The following ADGRL2 variants were observed in gnomAD, a reference collection of about 807,000 sequenced individuals.
The protein encoded by ADGRL2 is calcium-independent alpha-latrotoxin receptor 2.
A neutral mutation model predicts 157.4 loss-of-function variants in ADGRL2; 44 were observed. The ratio of observed to expected loss-of-function variants is 0.28; its 90% CI spans 0.22 to 0.36. ADGRL2 has a LOEUF of 0.36. Ranked by LOEUF, ADGRL2 falls within the 10% of genes least tolerant of loss-of-function variation. The pLI, the probability that ADGRL2 is intolerant of heterozygous loss-of-function variation, is 1.00. For missense variants in ADGRL2, 1,510 were observed against 1,768.9 expected (o/e 0.85, Z 2.63); for synonymous variants, 585 against 624.7 (o/e 0.94, Z 0.95).
chr1:81,518,186 G>C (rs1401364191), intron 2 of ADGRL2, among the ~76,000 whole-genome samples: 1 of 152,260 alleles, frequency 6.6e-6, no homozygotes, highest in Non-Finnish European at 1.5e-5. Flanking sequence ...GCAGCGTGAA[G>C]CTGCAGACAG....
At chr1:81,425,255 C>T (rs976823487) in intron 1 of ADGRL2, among the ~76,000 whole-genome samples, 4 of 152,140 alleles carry the variant, frequency 2.6e-5, no homozygotes, top group African/African-American at 9.7e-5. Flanking sequence ...AACACAATCA[C>T]GTACCCATGC....
chr1:81,878,528 G>A (rs934585554), intron 2 of ADGRL2, among the ~76,000 whole-genome samples: 1 of 151,940 alleles, frequency 6.6e-6, no homozygotes, highest in Admixed American at 6.6e-5. Flanking sequence ...TCATTTAATC[G>A]TCTTCTTCTT....
At chr1:81,459,277 C>T (rs2077872462) in intron 2 of ADGRL2, among the ~76,000 whole-genome samples, 1 of 152,108 alleles carries the variant, frequency 6.6e-6, no homozygotes, top group Non-Finnish European at 1.5e-5. Flanking sequence ...GGGACCCATC[C>T]CTGTCTGCCT....
chr1:81,520,201 T>C (rs2079279605), intron 2 of ADGRL2, among the ~76,000 whole-genome samples: 1 of 152,196 alleles, frequency 6.6e-6, no homozygotes, highest in South Asian at 2.1e-4. Flanking sequence ...TGGTATTGCC[T>C]GCTGCCTTTT....
chr1:81,637,604 C>G (rs1448714367), intron 3 of ADGRL2, among the ~76,000 whole-genome samples: 2 of 152,174 alleles, frequency 1.3e-5, no homozygotes, highest in East Asian at 3.8e-4. Context: ...AATGATTGCT[C>G]ATTTCAACTG....
intron 2 of ADGRL2, among the ~76,000 whole-genome samples, chr1:81,766,778 G>A (rs567913465): frequency 1.4e-4 from 20 of 147,760 alleles, no homozygotes; most frequent in East Asian, 2.0e-4. Flanking sequence ...TGTGGTGAGC[G>A]GAGATTGCAC....
intron 1 of ADGRL2, among the ~76,000 whole-genome samples, chr1:81,373,605 G>C (rs2076197250): frequency 6.6e-6 from 1 of 152,086 alleles, no homozygotes; most frequent in Non-Finnish European, 1.5e-5. Flanking sequence ...CCACAAAACA[G>C]CCTCACTTCT....
intron 1 of ADGRL2, among the ~76,000 whole-genome samples, chr1:81,422,888 A>G (rs906406265): frequency 1.3e-5 from 2 of 152,220 alleles, no homozygotes; most frequent in African/African-American, 2.4e-5. Flanking sequence ...AACATACACA[A>G]TGTATTTCAA....
At chr1:81,889,193 A>T (rs1022301681) in intron 2 of ADGRL2, among the ~76,000 whole-genome samples, 1 of 152,240 alleles carries the variant, frequency 6.6e-6, no homozygotes, top group Non-Finnish European at 1.5e-5. Context: ...CAAAAGATAG[A>T]AATGATTAAG....
chr1:81,514,738 A>T (rs181256228), intron 2 of ADGRL2: 1 of 152,240 alleles, frequency 6.6e-6, no homozygotes. Context: ...TGTCAAGCTT[A>T]TAAGTACCAA....
At chr1:81,640,655 A>G (rs920892929) in intron 3 of ADGRL2, among the ~76,000 whole-genome samples, 2 of 151,022 alleles carry the variant, frequency 1.3e-5, no homozygotes, top group African/African-American at 4.9e-5. Flanking sequence ...AAATAAATAA[A>G]TAAATAAATA....
chr1:81,758,374 C>T (rs2085760856), intron 1 of ADGRL2, among the ~76,000 whole-genome samples: 2 of 152,118 alleles, frequency 1.3e-5, no homozygotes, highest in Non-Finnish European at 2.9e-5. Context: ...CTCACCTCTA[C>T]TCACTCCCTG....
At chr1:81,407,852 G>C (rs2101373076) in intron 1 of ADGRL2, among the ~76,000 whole-genome samples, 1 of 152,222 alleles carries the variant, frequency 6.6e-6, no homozygotes, top group African/African-American at 2.4e-5. Flanking sequence ...GCTGTTTCAT[G>C]TTTGTGACAT....
chr1:81,831,454 C>G (rs1469149844), intron 1 of ADGRL2, among the ~76,000 whole-genome samples: 1 of 151,892 alleles, frequency 6.6e-6, no homozygotes, highest in Non-Finnish European at 1.5e-5. Context: ...TGATTTTGTT[C>G]TGTATTCATT....
Position 81,618,849 on chromosome 1 carries a change from AG to A in ADGRL2, c.-143+37871del, listed in dbSNP as rs1209926523. Among the ~76,000 whole-genome samples, 17 of 148,252 alleles carry A rather than the reference AG, an allele frequency of 1.1e-4. No homozygotes were observed. In the East Asian group the frequency reaches 2.3e-3, roughly 20 times the overall value. ...AGTATATGCATCAGTAATCTGGAGAAGGTTTTTTTTTTTCTTTTTTCACTGT... is the reference window on the plus strand; with the variant it reads ...AGTATATGCATCAGTAATCTGGAGAAGTTTTTTTTTTTCTTTTTTCACTGT... On this transcript the variant is annotated intron_variant, in intron 3 of 24. Transcript: ENST00000370721.
chr1:81,742,349 A>G (rs971548814), intron 1 of ADGRL2, among the ~76,000 whole-genome samples: 4 of 151,988 alleles, frequency 2.6e-5, no homozygotes, highest in African/African-American at 4.8e-5. Context: ...TCTTTTCTTC[A>G]TATTGCTAAA....
At chr1:81,818,390 C>T (rs943808988) in intron 1 of ADGRL2, among the ~76,000 whole-genome samples, 22 of 152,162 alleles carry the variant, frequency 1.4e-4, no homozygotes, top group Admixed American at 1.0e-3. Context: ...TTTTTGGTTT[C>T]CTACATTGCC....
At chr1:81,886,777 T>G (rs1020470347) in intron 2 of ADGRL2, among the ~76,000 whole-genome samples, 1 of 152,210 alleles carries the variant, frequency 6.6e-6, no homozygotes, top group Middle Eastern at 3.2e-3. Flanking sequence ...CTATTTAAAA[T>G]GGAGTGTTTT....
intron 1 of ADGRL2, among the ~76,000 whole-genome samples, chr1:81,353,592 G>T (rs1663070439): frequency 6.6e-6 from 1 of 152,130 alleles, no homozygotes; most frequent in Non-Finnish European, 1.5e-5. Context: ...TTGTAATGAA[G>T]ATTTTACAGG....
Sources: gnomAD v4.1 joint callset for allele counts (sites outside exome capture counted in the v4.1 genomes callset) on GRCh38, gnomAD v4.1.1 for gene constraint, MANE v1.5 for transcripts, NCBI Gene and HGNC (gene_info 2026-07-23, HGNC 2026-07-21) for gene names.